Variants in WDR44 observed in about 807,000 individuals in gnomAD.
WDR44 encodes the protein WD repeat-containing protein 44.
WDR44 carries 9 observed loss-of-function variants against 65.7 expected under a neutral mutation model. That is an observed-to-expected ratio of 0.14 (90% CI 0.08 to 0.24). WDR44 has a LOEUF of 0.24. Ranked by LOEUF, WDR44 falls within the 10% of genes least tolerant of loss-of-function variation. WDR44 has a pLI of 1.00. For synonymous variants in WDR44, 220 were observed against 235.2 expected (o/e 0.94, Z 0.59); for missense variants, 425 against 670.9 (o/e 0.63, Z 4.05).
intron 1 of WDR44, among the ~76,000 whole-genome samples, chrX:118,352,352 A>ATATATATATTTT (rs1357425730): frequency 2.8e-4 from 4 of 14,224 alleles, no homozygotes; most frequent in African/African-American, 3.7e-4. Flanking sequence ...ATATATATAT[A>ATATATATATTTT]TTTTTTTTTT....
intron 1 of WDR44, among the ~76,000 whole-genome samples, chrX:118,368,721 T>TC (rs1456414728): frequency 1.1e-5 from 1 of 92,439 alleles, no homozygotes; most frequent in Non-Finnish European, 2.1e-5. Flanking sequence ...CCTTTTTTTT[T>TC]TTTTTTTTTT....
rs1323627578 is a variant in WDR44 at position 118,449,359 on chromosome X, T to C, written c.*372T>C. ...TTATTTCAGTGGCTCTTTTGGCCTC[T>C]TACTAGGGGGGATAGTCTTGTTTCT... On this transcript the variant is annotated 3_prime_UTR_variant, in exon 20 of 20. Transcript: ENST00000254029. 8.7e-6 allele frequency: 1 copy of C among 114,796 alleles called. No individual in the cohort carries two copies. The highest frequency in any genetic ancestry group is 1.8e-5 in the Non-Finnish European group (1 of 55,019). The allele number at this position is 114,796 out of a possible 1,213,427, so 9.5% of individuals were successfully genotyped here. A position where few individuals can be genotyped will look rare whatever the true frequency, so the allele number is the denominator to read the frequency against.
chrX:118,439,432 C>T (rs967202234), intron 14 of WDR44, among the ~76,000 whole-genome samples: 5 of 108,887 alleles, frequency 4.6e-5, no homozygotes, highest in African/African-American at 6.7e-5. Context: ...AAAAATTAGC[C>T]GGCCGTCGTG....
At chrX:118,436,856 C>A in intron 14 of WDR44, 32 bp downstream of exon 14, 1 of 1,119,797 alleles carries the variant, frequency 8.9e-7, no homozygotes, top group Non-Finnish European at 1.2e-6. Context: ...TTTTTGTTAA[C>A]CTCTAAGGAA....
chrX:118,442,412 T>C, intron 16 of WDR44, 67 bp downstream of exon 16: 2 of 1,020,981 alleles, frequency 2.0e-6, no homozygotes, highest in South Asian at 2.0e-5. Flanking sequence ...CTTAATATCT[T>C]GGCAAAAAAA....
chrX:118,376,781 A>G (rs1017149051), intron 1 of WDR44, among the ~76,000 whole-genome samples: 4 of 110,607 alleles, frequency 3.6e-5, no homozygotes, highest in Non-Finnish European at 7.6e-5. Flanking sequence ...AGGCGGGTGG[A>G]TTGCTTGAGC....
intron 12 of WDR44, among the ~76,000 whole-genome samples, chrX:118,419,283 C>G (rs1346518749): frequency 9.0e-6 from 1 of 111,656 alleles, no homozygotes; most frequent in Non-Finnish European, 1.9e-5. Flanking sequence ...CTCTGGCTGC[C>G]CTCCCGAAGG....
At chrX:118,424,273 A>ATTCT (rs2057131693) in intron 12 of WDR44, among the ~76,000 whole-genome samples, 4 of 88,095 alleles carry the variant, frequency 4.5e-5, no homozygotes, top group Non-Finnish European at 8.4e-5. Flanking sequence ...TCTTATATAT[A>ATTCT]TATATATATG....
chrX:118,423,590 C>T (rs570615611), intron 12 of WDR44, among the ~76,000 whole-genome samples: 4 of 112,023 alleles, frequency 3.6e-5, no homozygotes, highest in East Asian at 2.8e-4. Context: ...CCATCACCAC[C>T]GTCTGTGCCA....
At chrX:118,372,142 T>A (rs1319661626) in intron 1 of WDR44, among the ~76,000 whole-genome samples, 1 of 110,493 alleles carries the variant, frequency 9.1e-6, no homozygotes, top group Non-Finnish European at 1.9e-5. Flanking sequence ...ATTTCAAATT[T>A]AAGGGAAATT....
At chrX:118,407,222 C>T (rs1235028966) in intron 10 of WDR44, among the ~76,000 whole-genome samples, 196 bp downstream of exon 10, 1 of 111,942 alleles carries the variant, frequency 8.9e-6, no homozygotes, top group Non-Finnish European at 1.9e-5. Context: ...ACTTATCGGC[C>T]AGGTGCGGTG....
rs766886778 is a variant in WDR44 at position 118,346,125 on chromosome X, G to C, written c.-379G>C. Reference sequence around the variant, plus strand: ...CGCGTCGGTATTTTGCGGGCAACTAGCTCTTCCAGCTGCTGTAAATTGCTG... The same window carrying C: ...CGCGTCGGTATTTTGCGGGCAACTACCTCTTCCAGCTGCTGTAAATTGCTG... On this transcript the variant is annotated 5_prime_UTR_variant, in exon 1 of 20. Transcript: ENST00000254029. 3.3e-6 allele frequency: 1 copy of C among 299,601 alleles called. No homozygotes were observed. Among genetic ancestry groups the C allele is most frequent in the South Asian group, 1.8e-4 (1 of 5,712 alleles). The allele number at this position is 299,601 out of a possible 1,213,427, so 24.7% of individuals were successfully genotyped here. A position where few individuals can be genotyped will look rare whatever the true frequency, so the allele number is the denominator to read the frequency against.
intron 14 of WDR44, 84 bp from the exon 15 acceptor site, chrX:118,441,284 C>A: frequency 1.1e-6 from 1 of 926,077 alleles, no homozygotes; most frequent in South Asian, 2.4e-5. Flanking sequence ...TTAAACTATT[C>A]TAATAGACTT....
intron 12 of WDR44, among the ~76,000 whole-genome samples, chrX:118,415,255 C>T (rs761148834): frequency 7.2e-5 from 8 of 111,481 alleles, no homozygotes; most frequent in South Asian, 3.8e-4. Context: ...ATTATCTTTT[C>T]GATATGTTGT....
In WDR44 at chrX:118,404,554, C is replaced by G; in HGVS notation, c.1381+110C>G. On this transcript the variant is annotated intron_variant, in intron 9 of 19. Coordinates refer to ENST00000254029, the MANE Select transcript of WDR44 (RefSeq NM_019045.5). ...TATTTAAAATAGTAAACCTTTATAG[C>G]TGACATCTTAGTATTTCAATAAATA... 1.2e-5 allele frequency: 6 copies of G among 506,409 alleles called. No individual in the cohort carries two copies. In the South Asian group the frequency reaches 2.8e-4, roughly 24 times the overall value. The allele number at this position is 506,409 out of a possible 1,213,427, so 41.7% of individuals were successfully genotyped here.
chrX:118,355,384 A>T (rs2056450484), intron 1 of WDR44, among the ~76,000 whole-genome samples: 1 of 112,136 alleles, frequency 8.9e-6, no homozygotes, highest in African/African-American at 3.2e-5. Flanking sequence ...TATGGTGGAC[A>T]AGTTGGTAAA....
At chrX:118,437,747 T>C (rs1315755164) in intron 14 of WDR44, among the ~76,000 whole-genome samples, 1 of 111,814 alleles carries the variant, frequency 8.9e-6, no homozygotes, top group East Asian at 2.8e-4. Context: ...CCTTGAAGAC[T>C]TGGTTAAGGG....
intron 2 of WDR44, 116 bp from the exon 3 acceptor site, chrX:118,387,224 C>G: frequency 2.7e-6 from 1 of 372,517 alleles, no homozygotes; most frequent in Non-Finnish European, 4.5e-6. Context: ...AAATCAAAGC[C>G]CTTTAAGGGC....
intron 1 of WDR44, among the ~76,000 whole-genome samples, chrX:118,363,401 CAAA>C (rs58108879): frequency 2.8e-5 from 1 of 35,521 alleles, no homozygotes; most frequent in Non-Finnish European, 6.5e-5. Flanking sequence ...AACTCCGTCT[CAAA>C]AAAAAAAAAA....
Sources: allele counts gnomAD v4.1 joint callset (sites outside exome capture counted in the v4.1 genomes callset), GRCh38; gene constraint gnomAD v4.1.1; transcripts MANE v1.5; gene names NCBI Gene and HGNC (gene_info 2026-07-23, HGNC 2026-07-21).